TMEM63A: variants seen among roughly 807,000 people sequenced by gnomAD.
The protein encoded by TMEM63A is transmembrane protein 63A.
A neutral mutation model predicts 100.6 loss-of-function variants in TMEM63A; 76 were observed. The observed-to-expected ratio is 0.76, with a 90% confidence interval of 0.63 to 0.91. TMEM63A has a LOEUF of 0.91. Ranked by LOEUF, TMEM63A falls within the 40% of genes least tolerant of loss-of-function variation. The probability of loss-of-function intolerance (pLI) is 0.00; values close to 1 mark genes in which losing one functional copy is unlikely to be tolerated. For missense variants in TMEM63A, 876 were observed against 1,008.8 expected (o/e 0.87, Z 1.78); for synonymous variants, 401 against 401.1 (o/e 1.00, Z 0.00).
chr1:225,865,652 G>C lies in TMEM63A; in HGVS notation c.746+245C>G. ...CACCTACACCCTGGTCTGTGCTCTG[G>C]ACACTGTGCACAGGCTGCTTGAAGA... On this transcript the variant is annotated intron_variant, in intron 10 of 24. Transcript: ENST00000366835. This position sits in a 1 kb window ranked among gnomAD's most constrained non-coding sequence, Gnocchi z 4.6. The C allele has an allele frequency of 5.8e-6, 3 of 516,940 alleles. No homozygotes were observed. Among genetic ancestry groups the C allele is most frequent in the South Asian group, 2.3e-5 (1 of 43,362 alleles). The allele number at this position is 516,940 out of a possible 1,614,324, so 32.0% of individuals were successfully genotyped here.
Position 225,849,010 on chromosome 1 carries a change from T to C in TMEM63A, c.2074A>G (p.Met692Val), listed in dbSNP as rs1446214507. Residue 692 changes from methionine (M) to valine (V), a missense_variant and splice_region_variant, in exon 22 of 25, where the codon ATG becomes GTG. Met to Val is a conservative substitution (Grantham distance 21, BLOSUM62 1). Coordinates refer to ENST00000366835, the MANE Select transcript of TMEM63A (RefSeq NM_014698.3). The part of the protein sequence containing the change: ...LYFFSFLRLG[M>V]KAPATLFTFL... ...GTGAACAGAGTGGCGGGGGCCTTCA[T>C]ACCTGGTGATAGAGGGTGGCTAGCC... 7.5e-7 allele frequency: 1 copy of C among 1,340,926 alleles called. No individual in the cohort carries two copies. Among genetic ancestry groups the C allele is most frequent in the East Asian group, 3.6e-5 (1 of 27,530 alleles). 83.1% of individuals were successfully genotyped at this position (1,340,926 alleles called of 1,614,324 possible). A position where few individuals can be genotyped will look rare whatever the true frequency, so the allele number is the denominator to read the frequency against.
Position 225,862,718 on chromosome 1 carries a change from G to T in TMEM63A, c.827+53C>A. 2 of 1,612,256 alleles carry T rather than the reference G, an allele frequency of 1.2e-6. No homozygotes were observed. The highest frequency in any genetic ancestry group is 1.7e-6 in the Non-Finnish European group (2 of 1,178,882). On this transcript the variant is annotated intron_variant, in intron 11 of 24. Transcript: ENST00000366835. The surrounding 1 kb of genome is among the most constrained non-coding windows in gnomAD (Gnocchi z 5.1). ...CCGCCTCCCTTCCTAGCTGGGAGAT[G>T]CGAGGCCAGCAAGGAAGGAGGGGGC...
downstream of TMEM63A, chr1:225,845,210 A>AAGTGGGTGAGG: frequency 1.2e-6 from 2 of 1,614,114 alleles, no homozygotes; most frequent in Non-Finnish European, 1.7e-6. Context: ...CACGCCTGAA[A>AAGTGGGTGAGG]AGTGGGTGAG....
rs1669656486 is a variant in TMEM63A, at chr1:225,857,003, G to A, written c.1392C>T (p.Ser464=). ...PIHALNNPII[S]QFFPTLLLWS... Reference sequence around the variant, plus strand: ...AGAGCAGGAGGGTGGGGAAGAACTGGCTGATGATCGGGTTCTAGGAGAAAG... The same window carrying A: ...AGAGCAGGAGGGTGGGGAAGAACTGACTGATGATCGGGTTCTAGGAGAAAG... The change falls in exon 16 of 25, where the codon AGC becomes AGT. Residue 464 remains serine (S), a synonymous_variant. Transcript: ENST00000366835. 2 of 1,583,408 alleles carry A rather than the reference G, an allele frequency of 1.3e-6. No homozygotes were observed. The highest frequency in any genetic ancestry group is 1.7e-6 in the Non-Finnish European group (2 of 1,170,762).
At chr1:225,842,771 A>C (rs1559026702), downstream of TMEM63A, among the ~76,000 whole-genome samples, 1 of 152,354 alleles carries the variant, frequency 6.6e-6, no homozygotes, top group East Asian at 1.9e-4. Context: ...GGCAGCAGGC[A>C]CCACATTATT....
intron 15 of TMEM63A, among the ~76,000 whole-genome samples, chr1:225,857,381 G>T (rs1392980803): frequency 0.075 from 83 of 1,106 alleles, no homozygotes; most frequent in South Asian, 0.1. Flanking sequence ...CTGGCCGGCG[G>T]GGCGGGGGGG....
chr1:225,865,764 G>A lies in TMEM63A; in HGVS notation c.746+133C>T. 1.1e-6 allele frequency: 1 copy of A among 870,174 alleles called. No homozygotes were observed. The highest frequency in any genetic ancestry group is 1.8e-6 in the Non-Finnish European group (1 of 553,568). The allele number at this position is 870,174 out of a possible 1,614,324, so 53.9% of individuals were successfully genotyped here. On this transcript the variant is annotated intron_variant, in intron 10 of 24. Transcript: ENST00000366835. The surrounding 1 kb of genome is among the most constrained non-coding windows in gnomAD (Gnocchi z 4.6). ...CTCCATACACGTGTGGCAGGGCCAG[G>A]TCCTTCTCAGATCTCACCTGGATAC...
At chr1:225,845,380 C>G (rs1310454925), downstream of TMEM63A, 6 of 1,543,432 alleles carry the variant, frequency 3.9e-6, no homozygotes, top group Non-Finnish European at 5.2e-6. Context: ...CCACCTCCCC[C>G]CACAAGTGCC....
intron 20 of TMEM63A, 49 bp from the exon 21 acceptor site, chr1:225,850,128 C>A (rs753066614): frequency 6.3e-7 from 1 of 1,594,838 alleles, no homozygotes. Context: ...GCCACACAGA[C>A]ACCTCTGTCC....
In TMEM63A at chr1:225,855,927, A is replaced by T. The variant is rs780368313; in HGVS notation, c.1585T>A (p.Phe529Ile). The change falls in exon 18 of 25, where the codon TTC becomes ATC. Residue 529 changes from phenylalanine to isoleucine, a missense_variant. Coordinates refer to ENST00000366835, the MANE Select transcript of TMEM63A (RefSeq NM_014698.3). ...GAAGTTTTGTCAAAGAGCCACCGGAAGAAAAAATCTAGACTGAAAAACAAA... is the reference window on the plus strand; with the variant it reads ...GAAGTTTTGTCAAAGAGCCACCGGATGAAAAAATCTAGACTGAAAAACAAA... ...SLGLTSLDFFFRWLFDKTSSE... is the reference protein window; with the variant it reads ...SLGLTSLDFFIRWLFDKTSSE... The T allele has an allele frequency of 6.2e-7, 1 of 1,614,172 alleles. No individual in the cohort carries two copies. Among genetic ancestry groups the T allele is most frequent in the Non-Finnish European group, 8.5e-7 (1 of 1,180,002 alleles).
downstream of TMEM63A, chr1:225,842,333 T>C (rs1668495961): frequency 6.7e-7 from 1 of 1,482,496 alleles, no homozygotes; most frequent in Non-Finnish European, 9.4e-7. Context: ...TCCCCAGGCC[T>C]GAGTCTCTCC....
downstream of TMEM63A, among the ~76,000 whole-genome samples, chr1:225,843,605 T>C (rs1388395047): frequency 6.6e-6 from 1 of 152,152 alleles, no homozygotes; most frequent in Non-Finnish European, 1.5e-5. Context: ...CCCACCAGAC[T>C]ATCCCACTAG....
chr1:225,877,007 G>A (rs1405051284), intron 3 of TMEM63A, among the ~76,000 whole-genome samples: 3 of 152,124 alleles, frequency 2.0e-5, no homozygotes, highest in African/African-American at 7.2e-5. Flanking sequence ...GGTGACACTT[G>A]GGAACTGCAG....
chr1:225,850,078 G>A lies in TMEM63A; in HGVS notation c.1905C>T (p.Gly635=). 3 of 1,614,080 alleles carry A rather than the reference G, an allele frequency of 1.9e-6. No individual in the cohort carries two copies. The highest frequency in any genetic ancestry group is 2.5e-6 in the Non-Finnish European group (3 of 1,180,002). The change falls in exon 21 of 25, where the codon GGC becomes GGT. Residue 635 remains glycine (G), a splice_region_variant and synonymous_variant. Coordinates refer to ENST00000366835, the MANE Select transcript of TMEM63A (RefSeq NM_014698.3). ...SITCPIIAPF[G]LIYILLKHMV... ...TGTGCTTGAGCAGGATGTAGATGAG[G>A]CCTGCAGGGGATGGGGCTGTGAGCT...
Position 225,850,186 on chromosome 1 carries a change from T to G in TMEM63A, c.1904-107A>C, listed in dbSNP as rs10915886. 7.4e-3 allele frequency: 9,985 copies of G among 1,346,326 alleles called. 569 individuals are homozygous for G. In the African/African-American group the frequency reaches 0.13, roughly 17 times the overall value. The allele number at this position is 1,346,326 out of a possible 1,614,324, so 83.4% of individuals were successfully genotyped here. A position where few individuals can be genotyped will look rare whatever the true frequency, so the allele number is the denominator to read the frequency against. On this transcript the variant is annotated intron_variant, in intron 20 of 24. Coordinates refer to ENST00000366835, the MANE Select transcript of TMEM63A (RefSeq NM_014698.3). ...TTTGGCAAGGAGCCAGGGCTGGGGC[T>G]GCTGCTCTACTGCCTGAACACAAAA...
At chr1:225,846,996 C>A (rs571765458) in intron 24 of TMEM63A, 38 bp downstream of exon 24, 27 of 1,569,638 alleles carry the variant, frequency 1.7e-5, no homozygotes, top group Non-Finnish European at 2.3e-5. Flanking sequence ...CTTCTCACCC[C>A]ACAGGCTCCC....
chr1:225,855,597 T>C lies in TMEM63A; in HGVS notation c.1634+281A>G, dbSNP rs145212104. Among the ~76,000 whole-genome samples the C allele has an allele frequency of 3.3e-3, 501 of 152,112 alleles. 3 individuals carry two copies. Among genetic ancestry groups the C allele is most frequent in the African/African-American group, 0.011 (455 of 41,484 alleles). ...AATTCCTTCTCCCCATGTGACTCTG[T>C]GCTCAGTAAGTTTCAATGAATGAGA... On this transcript the variant is annotated intron_variant, in intron 18 of 24. Transcript: ENST00000366835.
At position 225,846,381 on chromosome 1, in the gene TMEM63A, C is replaced by T. The variant is rs1300478238; in HGVS notation, c.*558G>A. On this transcript the variant is annotated 3_prime_UTR_variant, in exon 25 of 25. Coordinates refer to ENST00000366835, the MANE Select transcript of TMEM63A (RefSeq NM_014698.3). ...ACCCTGACCCAGCTAGCGTCCCTGA[C>T]AACATGATACAAAAACACAGAACTC... 1 of 152,452 alleles carries T rather than the reference C, an allele frequency of 6.6e-6. No individual in the cohort carries two copies. Among genetic ancestry groups the T allele is most frequent in the Non-Finnish European group, 1.5e-5 (1 of 68,184 alleles). 9.4% of individuals were successfully genotyped at this position (152,452 alleles called of 1,614,324 possible).
Position 225,862,039 on chromosome 1 carries a change from A to C in TMEM63A, c.1085+179T>G. The stretch of plus-strand genomic sequence containing the variant: ...CCACACCCCCACCGCCTGTTACACA[A>C]ACATGGGCTGGGCTGGCTGAAAGTG... On this transcript the variant is annotated intron_variant, in intron 13 of 24. Coordinates refer to ENST00000366835, the MANE Select transcript of TMEM63A (RefSeq NM_014698.3). The surrounding 1 kb of genome is among the most constrained non-coding windows in gnomAD (Gnocchi z 5.1). 1 of 1,005,316 alleles carries C rather than the reference A, an allele frequency of 9.9e-7. No homozygotes were observed. Among genetic ancestry groups the C allele is most frequent in the Non-Finnish European group, 1.4e-6 (1 of 702,076 alleles). The allele number at this position is 1,005,316 out of a possible 1,614,324, so 62.3% of individuals were successfully genotyped here. A position where few individuals can be genotyped will look rare whatever the true frequency, so the allele number is the denominator to read the frequency against.
Sources: allele counts gnomAD v4.1 joint callset (sites outside exome capture counted in the v4.1 genomes callset), GRCh38; gene constraint gnomAD v4.1.1; non-coding constraint Gnocchi (gnomAD v3.1); transcripts MANE v1.5; gene names NCBI Gene and HGNC (gene_info 2026-07-23, HGNC 2026-07-21).